STK11IP: variants seen among roughly 807,000 people sequenced by gnomAD.
STK11IP encodes serine/threonine kinase 11 interacting protein, also known as serine/threonine-protein kinase 11-interacting protein.
In STK11IP, 103 loss-of-function variants were observed where a neutral mutation model predicts 131.7. The ratio of observed to expected loss-of-function variants is 0.78; its 90% CI spans 0.67 to 0.92. The LOEUF (loss-of-function observed/expected upper bound fraction) is 0.92, where lower values mean the gene tolerates loss of function less well. Among genes scored for constraint, STK11IP ranks in the 40% least tolerant of loss-of-function variants. STK11IP has a pLI of 0.00. For missense variants in STK11IP, 1,315 were observed against 1,385.7 expected (o/e 0.95, Z 0.81); for synonymous variants, 557 against 575.6 (o/e 0.97, Z 0.46).
chr2:219,602,223 C>G, intron 5 of STK11IP, 140 bp downstream of exon 5: 1 of 689,264 alleles, frequency 1.5e-6, no homozygotes, highest in Non-Finnish European at 2.5e-6. Flanking sequence ...TCTGTGTTCC[C>G]GCAGCACTCT....
chr2:219,613,152 A>T lies in STK11IP; in HGVS notation c.2464A>T (p.Thr822Ser). 1 of 1,609,370 alleles carries T rather than the reference A, an allele frequency of 6.2e-7. No individual in the cohort carries two copies. The highest frequency in any genetic ancestry group is 1.7e-4 in the Middle Eastern group (1 of 6,040). The part of the protein sequence containing the change: ...LKVPVALAGH[T>S]GEFMCLVVVS... ...GGTGCCAGTGGCATTGGCAGGCCAC[A>T]CTGGGGAGTTCATGTGCCTTGTGGT... is the stretch of plus-strand genomic sequence containing the variant. The change falls in exon 20 of 25, where the codon ACT (threonine) becomes TCT (serine). Residue 822 changes from threonine to serine, a missense_variant. Transcript: ENST00000456909.
chr2:219,615,339 G>A lies in STK11IP; in HGVS notation c.3115G>A (p.Glu1039Lys). The A allele has an allele frequency of 6.2e-7, 1 of 1,600,310 alleles. No homozygotes were observed. The change falls in exon 24 of 25, where the codon GAG (glutamate) becomes AAG (lysine). Residue 1039 changes from glutamate to lysine, a missense_variant and splice_region_variant. Coordinates refer to ENST00000456909, the MANE Select transcript of STK11IP (RefSeq NM_052902.4). The part of the protein sequence containing the change: ...PEDLRLLFYD[E>K]VSRLESFWAL... Reference sequence around the variant, plus strand: ...GGACTTGCGGCTGCTCTTCTACGATGAGGTGTGTATGTGTATCTCCAGTGA... The same window carrying A: ...GGACTTGCGGCTGCTCTTCTACGATAAGGTGTGTATGTGTATCTCCAGTGA...
At chr2:219,602,662 T>C (rs765106015) in intron 6 of STK11IP, 43 bp from the exon 7 acceptor site, 3 of 1,612,442 alleles carry the variant, frequency 1.9e-6, no homozygotes, top group South Asian at 2.2e-5. Flanking sequence ...CAGATAGTAT[T>C]GTAGTGAACA....
chr2:219,600,307 A>C (rs1225384854), intron 2 of STK11IP, among the ~76,000 whole-genome samples: 3 of 151,572 alleles, frequency 2.0e-5, no homozygotes, highest in African/African-American at 7.3e-5. Flanking sequence ...ACGGGGTTTC[A>C]CCATGTTGGC....
rs1186328288 is a variant in STK11IP at position 219,606,473 on chromosome 2, C to T, written c.946-3C>T. On this transcript the variant is annotated splice_polypyrimidine_tract_variant and splice_region_variant and intron_variant, in intron 10 of 24. Transcript: ENST00000456909. Reference sequence around the variant, plus strand: ...CTCCCTCCCCCTTTTTGTCTTTGCTCAGTTCCTTCTCGATGGCAAGGTCTT... The same window carrying T: ...CTCCCTCCCCCTTTTTGTCTTTGCTTAGTTCCTTCTCGATGGCAAGGTCTT... 2 of 1,611,404 alleles carry T rather than the reference C, an allele frequency of 1.2e-6. No individual in the cohort carries two copies. The highest frequency in any genetic ancestry group is 1.7e-6 in the Non-Finnish European group (2 of 1,178,622).
At chr2:219,612,119 C>T (rs1698419461) in intron 19 of STK11IP, 61 bp downstream of exon 19, 9 of 1,461,986 alleles carry the variant, frequency 6.2e-6, no homozygotes, top group Non-Finnish European at 7.5e-6. Flanking sequence ...TCGTTTCCAT[C>T]ACAGCCAACT....
At chr2:219,612,201 C>A in intron 19 of STK11IP, 143 bp downstream of exon 19, 1 of 716,654 alleles carries the variant, frequency 1.4e-6, no homozygotes, top group Non-Finnish European at 2.3e-6. Context: ...TGCTGTGTGG[C>A]CGTGGACACA....
rs185836682 is a variant in STK11IP at position 219,609,201 on chromosome 2, C to G, written c.1914C>G (p.His638Gln). 129 of 1,603,572 alleles carry G rather than the reference C, an allele frequency of 8.0e-5. No homozygotes were observed. The African/African-American group carries it at 1.5e-3, about 19-fold the overall frequency. The part of the protein sequence containing the change: ...RRYLVLEPDA[H>Q]AAVQELLAVL... Reference sequence around the variant, plus strand: ...ATTTGGTGCTGGAGCCTGATGCCCACGCAGCTGTCCAGGTGATGGCGCCCA... The same window carrying G: ...ATTTGGTGCTGGAGCCTGATGCCCAGGCAGCTGTCCAGGTGATGGCGCCCA... The change falls in exon 16 of 25, where the codon CAC (histidine) becomes CAG (glutamine). Residue 638 changes from histidine (H) to glutamine (Q), a missense_variant. Transcript: ENST00000456909.
chr2:219,614,776 CG>C (rs1447444443), intron 23 of STK11IP: 1 of 689,072 alleles, frequency 1.5e-6, no homozygotes, highest in Non-Finnish European at 2.6e-6. Context: ...CCTTTGCTCT[CG>C]GGCCCAGGCT....
Position 219,605,744 on chromosome 2 carries a change from G to T in STK11IP, c.745+10G>T. 6.3e-7 allele frequency: 1 copy of T among 1,597,020 alleles called. No individual in the cohort carries two copies. The highest frequency in any genetic ancestry group is 1.3e-5 in the African/African-American group (1 of 74,860). The stretch of plus-strand genomic sequence containing the variant: ...CTTCGGAGCCTGCATGGTGAGTGGG[G>T]GTGTGTGATGGGGCAAGCATGGAGG... On this transcript the variant is annotated intron_variant, in intron 8 of 24. Coordinates refer to ENST00000456909, the MANE Select transcript of STK11IP (RefSeq NM_052902.4).
rs761636272 is a variant in STK11IP at position 219,608,205 on chromosome 2, T to A, written c.1378T>A (p.Ser460Thr). 6.2e-7 allele frequency: 1 copy of A among 1,613,200 alleles called. No individual in the cohort carries two copies. Among genetic ancestry groups the A allele is most frequent in the African/African-American group, 1.3e-5 (1 of 74,826 alleles). The change falls in exon 14 of 25, where the codon TCC becomes ACC. Residue 460 changes from serine (S) to threonine (T), a missense_variant. Physicochemically the swap from Ser to Thr is moderately conservative, Grantham distance 58. Coordinates refer to ENST00000456909, the MANE Select transcript of STK11IP (RefSeq NM_052902.4). ...TGCACCCAGTGCACCTCCAGCCAGC[T>A]CCCAGGGCCCCGACACTGCACCCAG... ...TSAPSAPPAS[S>T]QGPDTAPRPS...
intron 23 of STK11IP, chr2:219,614,885 A>G: frequency 1.6e-6 from 1 of 639,930 alleles, no homozygotes; most frequent in South Asian, 1.9e-5. Flanking sequence ...GGTGTGGGGC[A>G]GTGGGGGGCG....
At chr2:219,611,913 G>T (rs368129864) in intron 18 of STK11IP, 42 bp from the exon 19 acceptor site, 39 of 1,571,742 alleles carry the variant, frequency 2.5e-5, no homozygotes, top group Non-Finnish European at 1.2e-5. Flanking sequence ...ATGGAGCCCA[G>T]GGGCTGCCAT....
rs1174099097 is a variant in STK11IP at position 219,605,980 on chromosome 2, G to A, written c.770G>A (p.Arg257Gln). The A allele has an allele frequency of 3.7e-6, 6 of 1,607,926 alleles. No homozygotes were observed. Among genetic ancestry groups the A allele is most frequent in the Admixed American group, 1.7e-5 (1 of 59,204 alleles). Residue 257 changes from arginine to glutamine, a missense_variant, in exon 9 of 25, where the codon CGG becomes CAG. By Grantham distance (43) the Arg-to-Gln change is conservative. Transcript: ENST00000456909. ...GGCCTAGAGCAGCTGAGGAATCTGC[G>A]GCACCTGGATTTGGCATACAACCTG... ...LHGLEQLRNL[R>Q]HLDLAYNLLE...
intron 2 of STK11IP, 85 bp downstream of exon 2, chr2:219,598,265 G>A: frequency 9.5e-7 from 1 of 1,052,846 alleles, no homozygotes; most frequent in Non-Finnish European, 1.4e-6. Context: ...TGAGAGTCAT[G>A]GAGTTACGAC....
At position 219,611,839 on chromosome 2, in the gene STK11IP, G is replaced by A; in HGVS notation, c.2335+5G>A. The A allele has an allele frequency of 1.9e-6, 3 of 1,608,520 alleles. No individual in the cohort carries two copies. Among genetic ancestry groups the A allele is most frequent in the Non-Finnish European group, 2.5e-6 (3 of 1,177,670 alleles). On this transcript the variant is annotated splice_donor_5th_base_variant and intron_variant, in intron 18 of 24. Coordinates refer to ENST00000456909, the MANE Select transcript of STK11IP (RefSeq NM_052902.4). ...GTAGTTGGAGCCTCAGTCCCCGTGAGTATAGGCAAAACAAGACATAGATGA... is the reference window on the plus strand; with the variant it reads ...GTAGTTGGAGCCTCAGTCCCCGTGAATATAGGCAAAACAAGACATAGATGA...
chr2:219,606,315 C>G (rs1698155586), intron 10 of STK11IP, 25 bp downstream of exon 10: 1 of 1,554,436 alleles, frequency 6.4e-7, no homozygotes, highest in Non-Finnish European at 8.7e-7. Context: ...TGTGTCCACT[C>G]TTCTTCCCCT....
In STK11IP at chr2:219,606,723, C is replaced by T; in HGVS notation, c.999C>T (p.Ser333=). Residue 333 remains serine (S), a synonymous_variant, in exon 12 of 25, where the codon TCC becomes TCT. Coordinates refer to ENST00000456909, the MANE Select transcript of STK11IP (RefSeq NM_052902.4). ...LSLTDFQTHT[S]LGLSPMGPPL... ...TCGTCACGTGCCAGACTCACACATCCTTGGGGCTCAGCCCCATGGGCCCAC... is the reference window on the plus strand; with the variant it reads ...TCGTCACGTGCCAGACTCACACATCTTTGGGGCTCAGCCCCATGGGCCCAC... The T allele has an allele frequency of 6.2e-7, 1 of 1,610,714 alleles. No homozygotes were observed. The highest frequency in any genetic ancestry group is 8.5e-7 in the Non-Finnish European group (1 of 1,178,038).
chr2:219,605,901 C>A, intron 8 of STK11IP, 55 bp from the exon 9 acceptor site: 1 of 1,500,978 alleles, frequency 6.7e-7, no homozygotes, highest in Non-Finnish European at 9.1e-7. Context: ...ATGCACCACA[C>A]TCACTTGCGT....
Sources: allele counts gnomAD v4.1 joint callset (sites outside exome capture counted in the v4.1 genomes callset), GRCh38; gene constraint gnomAD v4.1.1; transcripts MANE v1.5; gene names NCBI Gene and HGNC (gene_info 2026-07-23, HGNC 2026-07-21).